The following CFAP54 variants were observed in gnomAD, a reference collection of about 807,000 sequenced individuals.
CFAP54 encodes cilia- and flagella-associated protein 54.
CFAP54 carries 290 observed loss-of-function variants against 370.4 expected under a neutral mutation model. That is an observed-to-expected ratio of 0.78 (90% confidence interval 0.71 to 0.86). The LOEUF is 0.86. Among genes scored for constraint, CFAP54 ranks in the 40% least tolerant of loss-of-function variants. CFAP54 has a pLI of 0.00. For synonymous variants in CFAP54, 1,206 were observed against 1,236.5 expected (o/e 0.98, Z 0.52); for missense variants, 3,399 against 3,528.7 (o/e 0.96, Z 0.93).
At chr12:96,698,683 G>A (rs1592714118) in intron 45 of CFAP54, among the ~76,000 whole-genome samples, 1 of 152,166 alleles carries the variant, frequency 6.6e-6, no homozygotes, top group Non-Finnish European at 1.5e-5. Context: ...GCTTGAGGGT[G>A]CAGGGTGAGA....
At chr12:96,684,812 C>T (rs1049085591) in intron 41 of CFAP54, 77 bp downstream of exon 41, 2 of 1,248,160 alleles carry the variant, frequency 1.6e-6, no homozygotes, top group African/African-American at 1.5e-5. Flanking sequence ...AATGAAAAAA[C>T]ATTGTCTTTC....
In CFAP54 at chr12:96,693,718, A is replaced by G. The variant is rs777484918; in HGVS notation, c.6265-4A>G. 6 of 1,549,730 alleles carry G rather than the reference A, an allele frequency of 3.9e-6. No homozygotes were observed. Among genetic ancestry groups the G allele is most frequent in the Non-Finnish European group, 4.4e-6 (5 of 1,133,942 alleles). On this transcript the variant is annotated splice_polypyrimidine_tract_variant and splice_region_variant and intron_variant, in intron 44 of 67. Coordinates refer to ENST00000524981, the MANE Select transcript of CFAP54 (RefSeq NM_001306084.2). Reference sequence around the variant, plus strand: ...TGAAACAAAGAGTGTTTTTCTCCTGATAGGTTCTGCCTCTCCTTGCATTGT... The same window carrying G: ...TGAAACAAAGAGTGTTTTTCTCCTGGTAGGTTCTGCCTCTCCTTGCATTGT...
chr12:96,854,342 A>G (rs954457298), intron 66 of CFAP54, among the ~76,000 whole-genome samples: 2 of 152,194 alleles, frequency 1.3e-5, no homozygotes, highest in Non-Finnish European at 2.9e-5. Context: ...CAAAACAACA[A>G]CAACAACAAC....
intron 55 of CFAP54, among the ~76,000 whole-genome samples, chr12:96,745,039 A>C (rs58799055): frequency 0.024 from 3,714 of 152,300 alleles, 143 homozygotes; most frequent in African/African-American, 0.082. Context: ...TTATGGCTGC[A>C]TAATATTCCA....
At chr12:96,825,312 T>G (rs866324789) in intron 65 of CFAP54, among the ~76,000 whole-genome samples, 13 of 129,362 alleles carry the variant, frequency 1.0e-4, no homozygotes, top group Middle Eastern at 8.1e-3. Context: ...ATATATATAA[T>G]ATAATATATA....
intron 39 of CFAP54, among the ~76,000 whole-genome samples, chr12:96,669,220 A>T (rs139658166): frequency 1.3e-5 from 2 of 152,372 alleles, no homozygotes; most frequent in Non-Finnish European, 2.9e-5. Flanking sequence ...AAATTAGATA[A>T]TAAACTCTCT....
Position 96,853,075 on chromosome 12 carries a change from A to G in CFAP54, c.9172-7744A>G, listed in dbSNP as rs532722351. Among the ~76,000 whole-genome samples the G allele has an allele frequency of 2.6e-5, 4 of 152,294 alleles. No homozygotes were observed. The South Asian group carries it at 8.3e-4, about 32-fold the overall frequency. ...CAATTATTTTTAGATATCAGCTTAA[A>G]GAGGAATATACATGTACCTGGTGTA... On this transcript the variant is annotated intron_variant, in intron 66 of 67. Coordinates refer to ENST00000524981, the MANE Select transcript of CFAP54 (RefSeq NM_001306084.2).
At chr12:96,747,757 C>A (rs1053460207) in intron 55 of CFAP54, among the ~76,000 whole-genome samples, 56 of 152,070 alleles carry the variant, frequency 3.7e-4, no homozygotes, top group African/African-American at 1.3e-3. Flanking sequence ...GCCTTATCTG[C>A]AAAATGGAGG....
rs550721677 is a variant in CFAP54 at position 96,826,819 on chromosome 12, ATATAT to A, written c.9097-2189_9097-2185del. On this transcript the variant is annotated intron_variant, in intron 65 of 67. Coordinates refer to ENST00000524981, the MANE Select transcript of CFAP54 (RefSeq NM_001306084.2). ...ATATAATTATATATTATACATATTA[ATATAT>A]TATATAATATATCATATAATATTAT... is the stretch of plus-strand genomic sequence containing the variant. 9.4e-3 allele frequency among the ~76,000 whole-genome samples: 1,087 copies of A among 115,262 alleles called. 19 individuals are homozygous for A. The highest frequency in any genetic ancestry group is 0.035 in the African/African-American group (998 of 28,522). The allele number at this position is 115,262 out of a possible 152,430, so 75.6% of individuals were successfully genotyped here.
chr12:96,738,605 CTCCTTTTTTTTT>C (rs1411112001), intron 50 of CFAP54, among the ~76,000 whole-genome samples: 1 of 75,766 alleles, frequency 1.3e-5, no homozygotes. Context: ...ATGTCTAAAT[CTCCTTTTTTTTT>C]TTTTTTTTTT....
intron 65 of CFAP54, among the ~76,000 whole-genome samples, chr12:96,825,403 A>G (rs1272988619): frequency 3.7e-5 from 4 of 108,844 alleles, no homozygotes; most frequent in Non-Finnish European, 5.3e-5. Context: ...AACATGTTGT[A>G]TTATATAATA....
At chr12:96,777,367 A>G (rs1348423845) in intron 60 of CFAP54, among the ~76,000 whole-genome samples, 2 of 146,388 alleles carry the variant, frequency 1.4e-5, no homozygotes, top group African/African-American at 5.0e-5. Context: ...TTTTTTTGAG[A>G]TGGAGTTTTG....
intron 65 of CFAP54, among the ~76,000 whole-genome samples, chr12:96,825,474 ATATT>A (rs1452642157): frequency 8.5e-6 from 1 of 117,632 alleles, no homozygotes; most frequent in African/African-American, 3.5e-5. Context: ...TATATTATAT[ATATT>A]ATATAACATA....
intron 54 of CFAP54, 27 bp from the exon 55 acceptor site, chr12:96,743,993 T>C (rs1565962352): frequency 6.2e-7 from 1 of 1,605,040 alleles, no homozygotes; most frequent in African/African-American, 1.3e-5. Context: ...AACTAATTGC[T>C]CATTACAATA....
chr12:96,874,607 C>T (rs1271258313), intron 67 of CFAP54, among the ~76,000 whole-genome samples: 2 of 132,122 alleles, frequency 1.5e-5, no homozygotes, highest in African/African-American at 5.7e-5. Flanking sequence ...GTTTTGGGAT[C>T]TCTGCTTTTT....
At chr12:96,545,420 G>A (rs76414228) in intron 14 of CFAP54, among the ~76,000 whole-genome samples, 1,892 of 152,078 alleles carry the variant, frequency 0.012, 29 homozygotes, top group East Asian at 0.048. Context: ...ACAAAACTCT[G>A]AACTGACATA....
chr12:96,779,611 C>G (rs1484344314), intron 60 of CFAP54, among the ~76,000 whole-genome samples: 1 of 149,778 alleles, frequency 6.7e-6, no homozygotes, highest in Non-Finnish European at 1.5e-5. Context: ...GATTTCACTA[C>G]ATGAAATCTT....
chr12:96,631,007 G>GT (rs1956601685), intron 32 of CFAP54, among the ~76,000 whole-genome samples: 1 of 151,602 alleles, frequency 6.6e-6, no homozygotes, highest in Admixed American at 6.6e-5. Flanking sequence ...TTTAGTTTCT[G>GT]TTTTTTTAAG....
Position 96,580,584 on chromosome 12 carries a change from T to C in CFAP54, c.2797-13T>C. 2 of 1,463,672 alleles carry C rather than the reference T, an allele frequency of 1.4e-6. No individual in the cohort carries two copies. The highest frequency in any genetic ancestry group is 1.8e-6 in the Non-Finnish European group (2 of 1,109,346). 90.7% of individuals were successfully genotyped at this position (1,463,672 alleles called of 1,614,324 possible). Reference sequence around the variant, plus strand: ...GAATGCCTTTTAAACAGGCTCATTTTTCTCGTCGGCAGGTCTCCTGGTACT... The same window carrying C: ...GAATGCCTTTTAAACAGGCTCATTTCTCTCGTCGGCAGGTCTCCTGGTACT... On this transcript the variant is annotated splice_polypyrimidine_tract_variant and intron_variant, in intron 20 of 67. Coordinates refer to ENST00000524981, the MANE Select transcript of CFAP54 (RefSeq NM_001306084.2).
Sources: gnomAD v4.1 joint callset for allele counts (sites outside exome capture counted in the v4.1 genomes callset) on GRCh38, gnomAD v4.1.1 for gene constraint, MANE v1.5 for transcripts, NCBI Gene and HGNC (gene_info 2026-07-23, HGNC 2026-07-21) for gene names.